SEMA6D: variants seen among roughly 807,000 people sequenced by gnomAD.
SEMA6D encodes semaphorin-6D.
Under a neutral mutation model 106.6 loss-of-function variants are expected in SEMA6D, and 35 were observed. The observed-to-expected ratio is 0.33, with a 90% CI of 0.25 to 0.44. SEMA6D has a LOEUF of 0.44. Ranked by LOEUF, SEMA6D falls within the 20% of genes least tolerant of loss-of-function variation. The pLI, the probability that SEMA6D is intolerant of heterozygous loss-of-function variation, is 1.00. For synonymous variants in SEMA6D, 499 were observed against 487.7 expected (o/e 1.02, Z -0.31); for missense variants, 1,185 against 1,345.9 (o/e 0.88, Z 1.87).
At chr15:47,529,603 T>TAAAAAAA (rs67339779) in intron 3 of SEMA6D, among the ~76,000 whole-genome samples, 1 of 135,748 alleles carries the variant, frequency 7.4e-6, no homozygotes. Flanking sequence ...TCTGTAGCAC[T>TAAAAAAA]AAAAAAAAAA....
chr15:47,420,379 C>G (rs1230062817), intron 2 of SEMA6D, among the ~76,000 whole-genome samples: 2 of 151,924 alleles, frequency 1.3e-5, no homozygotes, highest in Non-Finnish European at 2.9e-5. Context: ...CCTTTCTTCC[C>G]CCTCCCCTAA....
At chr15:47,494,647 C>G (rs1055301474) in intron 3 of SEMA6D, among the ~76,000 whole-genome samples, 3 of 147,956 alleles carry the variant, frequency 2.0e-5, no homozygotes, top group African/African-American at 7.4e-5. Flanking sequence ...GATTTGGCAG[C>G]ATATTTTATT....
chr15:47,542,019 C>T (rs1053907810), intron 3 of SEMA6D, among the ~76,000 whole-genome samples: 5 of 152,216 alleles, frequency 3.3e-5, no homozygotes, highest in African/African-American at 1.2e-4. Context: ...TGCATATATA[C>T]AGAGCAAGAT....
chr15:47,772,042 C>A lies in SEMA6D; in HGVS notation c.*257C>A. 1 of 472,156 alleles carries A rather than the reference C, an allele frequency of 2.1e-6. No homozygotes were observed. Among genetic ancestry groups the A allele is most frequent in the Non-Finnish European group, 3.8e-6 (1 of 264,984 alleles). The allele number at this position is 472,156 out of a possible 1,614,324, so 29.2% of individuals were successfully genotyped here. A position where few individuals can be genotyped will look rare whatever the true frequency, so the allele number is the denominator to read the frequency against. ...TGTTTGAAGCTAAAGAGATGTGTAG[C>A]TCACAGGGGCTACCTTACCAGTATA... On this transcript the variant is annotated 3_prime_UTR_variant, in exon 19 of 19. Coordinates refer to ENST00000536845, the MANE Select transcript of SEMA6D (RefSeq NM_001358351.3).
intron 3 of SEMA6D, among the ~76,000 whole-genome samples, chr15:47,576,617 A>T (rs1000144525): frequency 6.6e-6 from 1 of 152,176 alleles, no homozygotes. Flanking sequence ...TCTGCTGGCA[A>T]ATCTAGGATT....
intron 1 of SEMA6D, among the ~76,000 whole-genome samples, chr15:47,208,341 G>A (rs1004210581): frequency 3.8e-4 from 58 of 152,200 alleles, no homozygotes; most frequent in African/African-American, 1.4e-3. Flanking sequence ...TATGCTTAGA[G>A]TCTTAGGAAA....
chr15:47,364,624 G>A (rs149720539), intron 1 of SEMA6D, among the ~76,000 whole-genome samples: 7 of 152,062 alleles, frequency 4.6e-5, no homozygotes, highest in African/African-American at 1.4e-4. Flanking sequence ...AAAATACATC[G>A]CTTAACACTG....
At chr15:47,579,333 G>A (rs1310606762) in intron 3 of SEMA6D, among the ~76,000 whole-genome samples, 2 of 151,724 alleles carry the variant, frequency 1.3e-5, no homozygotes, top group Non-Finnish European at 2.9e-5. Flanking sequence ...GTAGAGACGG[G>A]GTTTCTCCAT....
At chr15:47,395,991 G>T (rs1163979203) in intron 1 of SEMA6D, among the ~76,000 whole-genome samples, 1 of 152,154 alleles carries the variant, frequency 6.6e-6, no homozygotes, top group Non-Finnish European at 1.5e-5. Context: ...GATGTCTTGA[G>T]GGTGGAGCTT....
intron 3 of SEMA6D, among the ~76,000 whole-genome samples, chr15:47,574,931 A>G (rs1258799369): frequency 6.6e-6 from 1 of 152,196 alleles, no homozygotes; most frequent in Admixed American, 6.5e-5. Flanking sequence ...ATGACTGATC[A>G]ATTTTAGTTT....
intron 3 of SEMA6D, among the ~76,000 whole-genome samples, chr15:47,513,797 G>A (rs1249609428): frequency 6.6e-6 from 1 of 152,214 alleles, no homozygotes; most frequent in Non-Finnish European, 1.5e-5. Context: ...ATTCATAGGT[G>A]ATTCTTCTCT....
chr15:47,768,893 C>A (rs1035303820), intron 18 of SEMA6D, 145 bp downstream of exon 18: 5 of 653,082 alleles, frequency 7.7e-6, no homozygotes, highest in Non-Finnish European at 1.3e-5. Context: ...GTCTCTCTGG[C>A]TTTCTGTGGT....
At chr15:47,549,285 G>A (rs2045614179) in intron 3 of SEMA6D, among the ~76,000 whole-genome samples, 1 of 152,106 alleles carries the variant, frequency 6.6e-6, no homozygotes, top group South Asian at 2.1e-4. Flanking sequence ...GGTGCATGAA[G>A]GGAAGCTTCT....
chr15:47,344,860 A>G (rs1009489892), intron 1 of SEMA6D, among the ~76,000 whole-genome samples: 2 of 152,264 alleles, frequency 1.3e-5, no homozygotes, highest in Non-Finnish European at 2.9e-5. Context: ...GCAAAGTTAT[A>G]TAATAAAATA....
chr15:47,318,727 TAC>T, intron 1 of SEMA6D, among the ~76,000 whole-genome samples: 1 of 119,106 alleles, frequency 8.4e-6, no homozygotes, highest in South Asian at 3.3e-4. Context: ...GCAATAAACA[TAC>T]ATGTGCATGT....
chr15:47,650,168 CA>C (rs1302384418), intron 4 of SEMA6D, among the ~76,000 whole-genome samples: 7 of 152,144 alleles, frequency 4.6e-5, no homozygotes, highest in African/African-American at 1.7e-4. Context: ...CTGACTTGTG[CA>C]AAGTTACATT....
At chr15:47,313,912 GT>G (rs1459791763) in intron 1 of SEMA6D, among the ~76,000 whole-genome samples, 4 of 152,192 alleles carry the variant, frequency 2.6e-5, no homozygotes, top group African/African-American at 9.7e-5. Context: ...CCTTGTTCAG[GT>G]TTATGTGTAG....
At position 47,184,460 on chromosome 15, in the gene SEMA6D, T is replaced by G. The variant is rs539869129; in HGVS notation, c.-239+42T>G. ...CTCTCCATTTCTCCTCCGTCGCCTT[T>G]ACTTCTTTATCTGCGAAGCGAGGAG... is the stretch of plus-strand genomic sequence containing the variant. On this transcript the variant is annotated intron_variant, in intron 1 of 19. Transcript: ENST00000558014. 3 of 152,388 alleles carry G rather than the reference T, an allele frequency of 2.0e-5. No individual in the cohort carries two copies. The South Asian group carries it at 6.2e-4, about 32-fold the overall frequency. 9.4% of individuals were successfully genotyped at this position (152,388 alleles called of 1,614,324 possible).
intron 1 of SEMA6D, among the ~76,000 whole-genome samples, chr15:47,311,960 C>T (rs1421473018): frequency 2.6e-5 from 4 of 152,154 alleles, no homozygotes; most frequent in Non-Finnish European, 4.4e-5. Flanking sequence ...AGTTTGCCAT[C>T]TTCAGCAGTT....
Sources: gnomAD v4.1 joint callset for allele counts (sites outside exome capture counted in the v4.1 genomes callset) on GRCh38, gnomAD v4.1.1 for gene constraint, MANE v1.5 for transcripts, NCBI Gene and HGNC (gene_info 2026-07-23, HGNC 2026-07-21) for gene names.